Variants in SPOCK3 observed in about 807,000 individuals in gnomAD.
SPOCK3 encodes the protein testican-3.
SPOCK3 carries 30 observed loss-of-function variants against 56.6 expected under a neutral mutation model. The observed-to-expected ratio is 0.53, with a 90% CI of 0.40 to 0.72. The LOEUF (loss-of-function observed/expected upper bound fraction) is 0.72. Among genes scored for constraint, SPOCK3 ranks in the 30% least tolerant of loss-of-function variants. SPOCK3 has a pLI of 0.00. For missense variants in SPOCK3, 527 were observed against 530.0 expected (o/e 0.99, Z 0.06); for synonymous variants, 196 against 183.3 (o/e 1.07, Z -0.56).
chr4:167,131,604 C>T (rs1193632531), intron 2 of SPOCK3, among the ~76,000 whole-genome samples: 1 of 151,718 alleles, frequency 6.6e-6, no homozygotes, highest in Non-Finnish European at 1.5e-5. Context: ...CTCCGTCCCC[C>T]ACAAAAAAAA....
At chr4:166,947,541 A>T (rs1338611056) in intron 4 of SPOCK3, among the ~76,000 whole-genome samples, 1 of 152,080 alleles carries the variant, frequency 6.6e-6, no homozygotes, top group Non-Finnish European at 1.5e-5. Context: ...AGATTATTGG[A>T]TCTAAGAATG....
At chr4:167,021,707 A>G (rs1026669593) in intron 3 of SPOCK3, among the ~76,000 whole-genome samples, 2 of 151,912 alleles carry the variant, frequency 1.3e-5, no homozygotes, top group Non-Finnish European at 2.9e-5. Context: ...AGAACGACCC[A>G]TATCTATACA....
chr4:167,079,345 T>C (rs983933105), intron 2 of SPOCK3, among the ~76,000 whole-genome samples: 1 of 152,010 alleles, frequency 6.6e-6, no homozygotes, highest in Non-Finnish European at 1.5e-5. Context: ...TATCCCTTGA[T>C]AGAATCTAAT....
chr4:166,953,243 AAAC>A (rs1411300035), intron 4 of SPOCK3, among the ~76,000 whole-genome samples: 1 of 152,046 alleles, frequency 6.6e-6, no homozygotes, highest in Non-Finnish European at 1.5e-5. Context: ...TACAAGAAAA[AAAC>A]AAACAACCCC....
intron 2 of SPOCK3, among the ~76,000 whole-genome samples, chr4:167,213,034 T>A (rs1371297565): frequency 6.6e-6 from 1 of 152,218 alleles, no homozygotes; most frequent in East Asian, 1.9e-4. Context: ...GAGCACAATC[T>A]ACATCTAAGC....
chr4:166,854,044 C>T (rs1385451030), intron 6 of SPOCK3, among the ~76,000 whole-genome samples: 1 of 152,080 alleles, frequency 6.6e-6, no homozygotes, highest in Non-Finnish European at 1.5e-5. Context: ...ATGATTTTTA[C>T]CTACAAAAAG....
chr4:166,970,581 A>T (rs1745264074), intron 4 of SPOCK3, among the ~76,000 whole-genome samples: 1 of 151,948 alleles, frequency 6.6e-6, no homozygotes, highest in Non-Finnish European at 1.5e-5. Context: ...AAAATTAGCC[A>T]GGCGAGGTAG....
intron 4 of SPOCK3, among the ~76,000 whole-genome samples, chr4:166,952,744 T>C (rs367672044): frequency 3.8e-4 from 58 of 152,052 alleles, no homozygotes; most frequent in African/African-American, 1.1e-3. Flanking sequence ...AGATATAGAT[T>C]AATGGAACAG....
intron 4 of SPOCK3, among the ~76,000 whole-genome samples, chr4:166,931,746 T>G (rs1382265547): frequency 6.6e-6 from 1 of 152,236 alleles, no homozygotes; most frequent in Non-Finnish European, 1.5e-5. Flanking sequence ...TTGTGTTATG[T>G]TTTCTAATTC....
chr4:167,087,458 T>C (rs1315410536), intron 2 of SPOCK3, among the ~76,000 whole-genome samples: 1 of 152,216 alleles, frequency 6.6e-6, no homozygotes, highest in African/African-American at 2.4e-5. Flanking sequence ...GAACCACTGA[T>C]AGAAAATTTA....
intron 3 of SPOCK3, among the ~76,000 whole-genome samples, chr4:167,039,200 G>T (rs532340551): frequency 6.6e-6 from 1 of 152,250 alleles, no homozygotes; most frequent in East Asian, 1.9e-4. Flanking sequence ...TTGTCCTTGT[G>T]TGTCTATCTG....
chr4:166,943,973 C>T (rs577014963), intron 4 of SPOCK3, among the ~76,000 whole-genome samples: 1 of 152,122 alleles, frequency 6.6e-6, no homozygotes, highest in East Asian at 1.9e-4. Flanking sequence ...ATGGCAAAAC[C>T]CCATCTCTGC....
intron 3 of SPOCK3, among the ~76,000 whole-genome samples, chr4:167,028,749 G>T (rs776759014): frequency 6.6e-6 from 1 of 151,962 alleles, no homozygotes; most frequent in Non-Finnish European, 1.5e-5. Context: ...ATTCAAAAAG[G>T]ATAGGAACAA....
intron 2 of SPOCK3, among the ~76,000 whole-genome samples, chr4:167,214,338 C>A (rs965299286): frequency 6.6e-6 from 1 of 152,042 alleles, no homozygotes; most frequent in Admixed American, 6.6e-5. Flanking sequence ...ATAAACCCCA[C>A]TTGTCTCTCA....
chr4:166,962,243 T>C (rs1406421740), intron 4 of SPOCK3, among the ~76,000 whole-genome samples: 1 of 152,140 alleles, frequency 6.6e-6, no homozygotes, highest in African/African-American at 2.4e-5. Context: ...AGTTTGGTAA[T>C]GTTGGATGTC....
At chr4:166,884,775 G>A (rs556706578) in intron 6 of SPOCK3, among the ~76,000 whole-genome samples, 4 of 151,922 alleles carry the variant, frequency 2.6e-5, no homozygotes, top group African/African-American at 9.7e-5. Flanking sequence ...AGCAGTGAAG[G>A]ACTGGAATTC....
intron 4 of SPOCK3, among the ~76,000 whole-genome samples, chr4:166,972,693 G>A (rs1339511367): frequency 6.6e-6 from 1 of 151,970 alleles, no homozygotes; most frequent in South Asian, 2.1e-4. Flanking sequence ...GCAAGCACAT[G>A]CTGGTTATTT....
At chr4:167,233,798 AG>A (rs1159648955) in intron 2 of SPOCK3, among the ~76,000 whole-genome samples, 186 bp downstream of exon 2, 1 of 152,014 alleles carries the variant, frequency 6.6e-6, no homozygotes, top group East Asian at 1.9e-4. Context: ...CCAAGAAACA[AG>A]CCCTTGAACC....
intron 2 of SPOCK3, among the ~76,000 whole-genome samples, chr4:167,121,345 C>T (rs1761849036): frequency 6.6e-6 from 1 of 151,676 alleles, no homozygotes; most frequent in Non-Finnish European, 1.5e-5. Context: ...TTTCTCTTAG[C>T]CAGTTCTCAT....
Sources: gnomAD v4.1 joint callset for allele counts (sites outside exome capture counted in the v4.1 genomes callset) on GRCh38, gnomAD v4.1.1 for gene constraint, MANE v1.5 for transcripts, NCBI Gene and HGNC (gene_info 2026-07-23, HGNC 2026-07-21) for gene names.